The following SLC24A2 variants were observed in gnomAD, a reference collection of about 807,000 sequenced individuals.
SLC24A2 encodes the protein sodium/potassium/calcium exchanger 2.
SLC24A2 carries 36 observed loss-of-function variants against 62.0 expected under a neutral mutation model. The observed-to-expected ratio is 0.58, with a 90% confidence interval of 0.44 to 0.77. SLC24A2 has a LOEUF of 0.77. Among genes scored for constraint, SLC24A2 ranks in the 30% least tolerant of loss-of-function variants. SLC24A2 has a pLI of 0.00. For synonymous variants in SLC24A2, 358 were observed against 294.0 expected (o/e 1.22, Z -2.23); for missense variants, 846 against 817.9 (o/e 1.03, Z -0.42).
chr9:20,194,037 T>G, the SLC24A2 span, among the ~76,000 whole-genome samples: 2 of 152,068 alleles, frequency 1.3e-5, no homozygotes, highest in African/African-American at 4.8e-5. Flanking sequence ...TAACACATGG[T>G]TAAATGAGGT....
chr9:19,980,903 C>T, the SLC24A2 span, among the ~76,000 whole-genome samples: 3 of 152,290 alleles, frequency 2.0e-5, no homozygotes, highest in South Asian at 6.2e-4. Context: ...GACTTCAATC[C>T]ATGGGACGGA....
At chr9:19,983,963 T>C in the SLC24A2 span, among the ~76,000 whole-genome samples, 4 of 152,224 alleles carry the variant, frequency 2.6e-5, no homozygotes, top group Admixed American at 2.6e-4. Flanking sequence ...TTTGACTTTA[T>C]GATGGTGTGA....
At chr9:19,803,623 C>G in the SLC24A2 span, among the ~76,000 whole-genome samples, 1 of 152,078 alleles carries the variant, frequency 6.6e-6, no homozygotes. Context: ...TAAATGTTTT[C>G]TCAATAACTT....
chr9:20,057,359 C>T, the SLC24A2 span, among the ~76,000 whole-genome samples: 4 of 152,204 alleles, frequency 2.6e-5, no homozygotes, highest in Non-Finnish European at 4.4e-5. Context: ...CTACGCACTT[C>T]TGACCTATCA....
intron 9 of SLC24A2, among the ~76,000 whole-genome samples, chr9:19,523,470 A>C (rs990180016): frequency 6.6e-6 from 1 of 152,030 alleles, no homozygotes; most frequent in African/African-American, 2.4e-5. Context: ...TTAACTTAAT[A>C]TGTTTTTTTT....
the SLC24A2 span, among the ~76,000 whole-genome samples, chr9:20,266,272 T>C: frequency 1.3e-5 from 2 of 152,186 alleles, no homozygotes; most frequent in African/African-American, 4.8e-5. Context: ...CCTACTGACA[T>C]GTGATGTCTC....
chr9:20,182,104 C>A, the SLC24A2 span, among the ~76,000 whole-genome samples: 1 of 152,164 alleles, frequency 6.6e-6, no homozygotes, highest in African/African-American at 2.4e-5. Context: ...GTCAGAATGG[C>A]AATCATTAAA....
the SLC24A2 span, among the ~76,000 whole-genome samples, chr9:20,042,783 G>C: frequency 6.6e-6 from 1 of 152,122 alleles, no homozygotes; most frequent in Non-Finnish European, 1.5e-5. Context: ...GTCATGTTTT[G>C]ATAATGCTTG....
chr9:20,289,552 G>T, the SLC24A2 span, among the ~76,000 whole-genome samples: 1 of 152,284 alleles, frequency 6.6e-6, no homozygotes, highest in Admixed American at 6.5e-5. Flanking sequence ...GTGAAATGCA[G>T]ATGAAAATAG....
the SLC24A2 span, among the ~76,000 whole-genome samples, chr9:19,903,555 C>T: frequency 3.3e-5 from 5 of 152,234 alleles, no homozygotes; most frequent in East Asian, 5.8e-4. Flanking sequence ...AAACAAAAGC[C>T]CATCCCTTCT....
the SLC24A2 span, among the ~76,000 whole-genome samples, chr9:20,103,627 G>T: frequency 5.5e-4 from 83 of 152,276 alleles, no homozygotes; most frequent in Non-Finnish European, 9.8e-4. Context: ...AAGAGACCTG[G>T]AGCTGAGGGT....
the SLC24A2 span, among the ~76,000 whole-genome samples, chr9:20,249,936 G>C: frequency 6.6e-6 from 1 of 152,050 alleles, no homozygotes; most frequent in Non-Finnish European, 1.5e-5. Flanking sequence ...TCAAATAAAA[G>C]AAAATATGTA....
the SLC24A2 span, among the ~76,000 whole-genome samples, chr9:19,869,251 G>A: frequency 1.3e-5 from 2 of 152,150 alleles, no homozygotes; most frequent in Non-Finnish European, 2.9e-5. Flanking sequence ...AAGATGCTAG[G>A]ATTACAGGCT....
the SLC24A2 span, among the ~76,000 whole-genome samples, chr9:20,116,176 G>A: frequency 1.4e-4 from 21 of 152,106 alleles, no homozygotes; most frequent in Non-Finnish European, 2.6e-4. Context: ...TAATTCAGGA[G>A]CCCAGCATGC....
At chr9:20,141,385 G>T in the SLC24A2 span, among the ~76,000 whole-genome samples, 1 of 152,010 alleles carries the variant, frequency 6.6e-6, no homozygotes, top group African/African-American at 2.4e-5. Flanking sequence ...TCGTCTCATT[G>T]TTGTGGTTTT....
intron 2 of SLC24A2, among the ~76,000 whole-genome samples, chr9:19,765,706 T>A (rs1191693412): frequency 6.6e-6 from 1 of 152,228 alleles, no homozygotes. Context: ...GAATCCAACC[T>A]TTCTCTCGGG....
chr9:19,544,249 C>G (rs1318735485), intron 8 of SLC24A2, among the ~76,000 whole-genome samples: 4 of 89,822 alleles, frequency 4.5e-5, no homozygotes, highest in Admixed American at 1.5e-4. Flanking sequence ...AGGATTGCAA[C>G]CCCTGCTTTT....
the SLC24A2 span, among the ~76,000 whole-genome samples, chr9:20,010,470 C>G: frequency 1.3e-5 from 2 of 151,550 alleles, no homozygotes; most frequent in Admixed American, 6.6e-5. Context: ...GTTCAGGGAA[C>G]CATAAAAAAA....
chr9:19,636,130 TA>T (rs1353349370), intron 2 of SLC24A2, among the ~76,000 whole-genome samples: 1 of 152,172 alleles, frequency 6.6e-6, no homozygotes, highest in Non-Finnish European at 1.5e-5. Context: ...TTTAGTTCAT[TA>T]AAAACAAAGT....
Sources: allele counts gnomAD v4.1 joint callset (sites outside exome capture counted in the v4.1 genomes callset), GRCh38; gene constraint gnomAD v4.1.1; transcripts MANE v1.5; gene names NCBI Gene and HGNC (gene_info 2026-07-23, HGNC 2026-07-21).